GPC6: variants seen among roughly 807,000 people sequenced by gnomAD.
GPC6 encodes the protein glypican 6, also known as glypican-6.
Under a neutral mutation model 55.2 loss-of-function variants are expected in GPC6, and 14 were observed. That is an observed-to-expected ratio of 0.25 (90% CI 0.17 to 0.40). The LOEUF is 0.40. GPC6 is among the 10% of genes least tolerant of loss of function. GPC6 has a pLI of 1.00. For missense variants in GPC6, 641 were observed against 708.5 expected (o/e 0.90, Z 1.08); for synonymous variants, 278 against 259.6 (o/e 1.07, Z -0.68).
chr13:94,193,067 G>A (rs1278392177), intron 4 of GPC6, among the ~76,000 whole-genome samples: 1 of 7,910 alleles, frequency 1.3e-4, no homozygotes, highest in Non-Finnish European at 1.7e-3. Flanking sequence ...CTCCTCGTGT[G>A]TGTGTGTGTG....
intron 1 of GPC6, among the ~76,000 whole-genome samples, chr13:93,541,387 T>C (rs1028663136): frequency 8.5e-6 from 1 of 117,852 alleles, no homozygotes; most frequent in Non-Finnish European, 1.8e-5. Flanking sequence ...TAGTATTCCA[T>C]GGTGTATATG....
intron 4 of GPC6, among the ~76,000 whole-genome samples, chr13:94,192,777 T>G (rs1258810063): frequency 6.6e-6 from 1 of 152,164 alleles, no homozygotes; most frequent in African/African-American, 2.4e-5. Flanking sequence ...CGCACCTCAG[T>G]TGTGCCCTCT....
intron 2 of GPC6, among the ~76,000 whole-genome samples, chr13:93,623,455 C>CTTTTCTTTTCTT (rs1555317483): frequency 8.6e-6 from 1 of 116,194 alleles, no homozygotes; most frequent in Non-Finnish European, 1.8e-5. Context: ...CTTTTCTTTT[C>CTTTTCTTTTCTT]TTTTTTTTTT....
intron 2 of GPC6, among the ~76,000 whole-genome samples, chr13:93,719,748 G>A (rs1347905904): frequency 6.6e-6 from 1 of 151,988 alleles, no homozygotes; most frequent in Non-Finnish European, 1.5e-5. Context: ...ATTATTTTGA[G>A]ATACGATCCA....
chr13:93,940,104 A>G (rs1878657200), intron 3 of GPC6, among the ~76,000 whole-genome samples: 1 of 152,002 alleles, frequency 6.6e-6, no homozygotes, highest in South Asian at 2.1e-4. Context: ...TTTGAACCTT[A>G]TTTTCTACCT....
At position 94,028,274 on chromosome 13, in the gene GPC6, A is replaced by C. The variant is rs575656936; in HGVS notation, c.877+380A>C. Among the ~76,000 whole-genome samples, 383 of 152,192 alleles carry C rather than the reference A, an allele frequency of 2.5e-3. 1 individual carries two copies. Among genetic ancestry groups the C allele is most frequent in the African/African-American group, 8.9e-3 (369 of 41,516 alleles). ...AGTGGGACCCTGTCTCAAAAAAAAAAAATGTTATGATGACTTTTAGAGACT... is the reference window on the plus strand; with the variant it reads ...AGTGGGACCCTGTCTCAAAAAAAAACAATGTTATGATGACTTTTAGAGACT... On this transcript the variant is annotated intron_variant, in intron 4 of 8. Transcript: ENST00000377047.
At chr13:94,111,701 G>A (rs972530770) in intron 4 of GPC6, among the ~76,000 whole-genome samples, 7 of 151,892 alleles carry the variant, frequency 4.6e-5, no homozygotes, top group East Asian at 1.9e-4. Context: ...ACAATTGATC[G>A]TATTGGTTTA....
intron 1 of GPC6, among the ~76,000 whole-genome samples, chr13:93,459,445 T>TTTG (rs1201537312): frequency 3.0e-4 from 46 of 152,268 alleles, no homozygotes; most frequent in Admixed American, 1.1e-3. Flanking sequence ...TTTCTGCTTA[T>TTTG]ATTTTTTTAA....
intron 1 of GPC6, among the ~76,000 whole-genome samples, chr13:93,484,028 G>A (rs995160706): frequency 1.3e-5 from 2 of 152,034 alleles, no homozygotes; most frequent in African/African-American, 4.8e-5. Context: ...AGAGCAAATT[G>A]GTTTTAACTT....
rs114440764 is a variant in GPC6 at position 93,813,056 on chromosome 13, T to A, written c.320-17098T>A. Among the ~76,000 whole-genome samples the A allele has an allele frequency of 4.6e-3, 707 of 152,326 alleles. 8 individuals are homozygous for A. Among genetic ancestry groups the A allele is most frequent in the African/African-American group, 0.016 (678 of 41,590 alleles). On this transcript the variant is annotated intron_variant, in intron 2 of 8. Transcript: ENST00000377047. ...CTCTTCTACAGGACTGCTTTAGATA[T>A]TTAGAACTACTGTGAGCTGACATTT...
chr13:93,699,669 G>T (rs1566493322), intron 2 of GPC6, among the ~76,000 whole-genome samples: 1 of 151,926 alleles, frequency 6.6e-6, no homozygotes, highest in Non-Finnish European at 1.5e-5. Flanking sequence ...AATTTACATA[G>T]ATCATATGCT....
At chr13:93,444,195 CTT>C (rs10659977) in intron 1 of GPC6, among the ~76,000 whole-genome samples, 1 of 110,680 alleles carries the variant, frequency 9.0e-6, no homozygotes, top group Admixed American at 9.5e-5. Flanking sequence ...TGCAATTCTT[CTT>C]TTTTTTTTTT....
intron 6 of GPC6, among the ~76,000 whole-genome samples, chr13:94,338,380 C>T (rs1275478798): frequency 1.3e-5 from 2 of 152,216 alleles, no homozygotes; most frequent in East Asian, 3.9e-4. Flanking sequence ...TTGCCAGCAC[C>T]ATCTCTGCAG....
At chr13:93,967,797 C>G (rs1191849450) in intron 3 of GPC6, among the ~76,000 whole-genome samples, 1 of 152,142 alleles carries the variant, frequency 6.6e-6, no homozygotes, top group Non-Finnish European at 1.5e-5. Context: ...TTTTCTTACT[C>G]TCTTTACCAA....
intron 4 of GPC6, among the ~76,000 whole-genome samples, chr13:94,150,207 A>G (rs1296476785): frequency 2.0e-5 from 3 of 151,988 alleles, no homozygotes; most frequent in Non-Finnish European, 2.9e-5. Flanking sequence ...CTTCCAGTCA[A>G]TCATGTTTCC....
In GPC6 at chr13:93,940,030, A is replaced by T. The variant is rs149314597; in HGVS notation, c.712-87699A>T. 5.5e-3 allele frequency among the ~76,000 whole-genome samples: 841 copies of T among 152,302 alleles called. 10 individuals carry two copies. The highest frequency in any genetic ancestry group is 0.019 in the African/African-American group (803 of 41,550). On this transcript the variant is annotated intron_variant, in intron 3 of 8. Coordinates refer to ENST00000377047, the MANE Select transcript of GPC6 (RefSeq NM_005708.5). ...ATATGCATAACTTATTATGAAAAAT[A>T]GTTGAAAGAAAATAAGTCTTTAATC...
Position 94,404,322 on chromosome 13 carries a change from AGTATT to A in GPC6, c.*1107_*1111del, listed in dbSNP as rs1275911449. On this transcript the variant is annotated 3_prime_UTR_variant, in exon 9 of 9. Coordinates refer to ENST00000377047, the MANE Select transcript of GPC6 (RefSeq NM_005708.5). ...GTCAAGACAAAAAATATATATATAT[AGTATT>A]GACATGGAGATTTCTTTCACTTTTT... is the stretch of plus-strand genomic sequence containing the variant. 6.6e-6 allele frequency: 1 copy of A among 152,194 alleles called. No individual in the cohort carries two copies. The highest frequency in any genetic ancestry group is 1.9e-4 in the East Asian group (1 of 5,198). The allele number at this position is 152,194 out of a possible 1,614,324, so 9.4% of individuals were successfully genotyped here.
chr13:93,850,143 C>A (rs1888343715), intron 3 of GPC6, among the ~76,000 whole-genome samples: 1 of 152,026 alleles, frequency 6.6e-6, no homozygotes, highest in Non-Finnish European at 1.5e-5. Flanking sequence ...ATGAAAAAGA[C>A]AATCAGTAGG....
chr13:93,368,781 T>G (rs2139188701), intron 1 of GPC6, among the ~76,000 whole-genome samples: 1 of 152,204 alleles, frequency 6.6e-6, no homozygotes, highest in East Asian at 1.9e-4. Flanking sequence ...CCAAAGCTAT[T>G]CTACTTATGG....
Sources: gnomAD v4.1 joint callset for allele counts (sites outside exome capture counted in the v4.1 genomes callset) on GRCh38, gnomAD v4.1.1 for gene constraint, MANE v1.5 for transcripts, NCBI Gene and HGNC (gene_info 2026-07-23, HGNC 2026-07-21) for gene names.